The following SLC8B1 variants were observed in gnomAD, a reference collection of about 807,000 sequenced individuals.
SLC8B1 encodes solute carrier family 8 member B1.
Under a neutral mutation model 63.4 loss-of-function variants are expected in SLC8B1, and 52 were observed. That is an observed-to-expected ratio of 0.82 (90% CI 0.66 to 1.03). The LOEUF is 1.03. SLC8B1 is among the 50% of genes least tolerant of loss of function. The pLI is 0.00. For synonymous variants in SLC8B1, 336 were observed against 323.9 expected (o/e 1.04, Z -0.40); for missense variants, 657 against 741.7 (o/e 0.89, Z 1.33).
intron 13 of SLC8B1, among the ~76,000 whole-genome samples, chr12:113,307,414 T>C (rs1031054091): frequency 6.6e-6 from 1 of 152,052 alleles, no homozygotes; most frequent in Admixed American, 6.6e-5. Context: ...CCGGCTGCAA[T>C]GGGCTCCATG....
Position 113,320,307 on chromosome 12 carries a change from C to A in SLC8B1, c.694+24G>T. The A allele has an allele frequency of 6.2e-7, 1 of 1,611,596 alleles. No homozygotes were observed. The highest frequency in any genetic ancestry group is 1.1e-5 in the South Asian group (1 of 90,838). On this transcript the variant is annotated intron_variant, in intron 7 of 15. Coordinates refer to ENST00000680972, the MANE Select transcript of SLC8B1 (RefSeq NM_001358345.2). The surrounding 1 kb of genome is among the most constrained non-coding windows in gnomAD (Gnocchi z 5.3). Reference sequence around the variant, plus strand: ...CCTGCCCATCAGCCCTGGGATCTCACGCCTGAGCCCCAGAGCTGCTCACCC... The same window carrying A: ...CCTGCCCATCAGCCCTGGGATCTCAAGCCTGAGCCCCAGAGCTGCTCACCC...
At chr12:113,326,856 T>C (rs1161561930) in intron 2 of SLC8B1, among the ~76,000 whole-genome samples, 1 of 152,024 alleles carries the variant, frequency 6.6e-6, no homozygotes, top group African/African-American at 2.4e-5. Context: ...TATCTGGCTC[T>C]TTACAGAAAG....
At chr12:113,306,623 C>G (rs1466870737) in intron 13 of SLC8B1, 48 bp from the exon 14 acceptor site, 1 of 1,489,812 alleles carries the variant, frequency 6.7e-7, no homozygotes, top group Non-Finnish European at 9.3e-7. Flanking sequence ...CTTCCCCCAC[C>G]CTCCCTGGTC....
intron 2 of SLC8B1, among the ~76,000 whole-genome samples, chr12:113,327,984 A>G (rs543474715): frequency 8.1e-5 from 12 of 148,268 alleles, no homozygotes; most frequent in Middle Eastern, 3.4e-3. Context: ...GTCTCCAAAA[A>G]AAAAAAAAAA....
intron 15 of SLC8B1, among the ~76,000 whole-genome samples, chr12:113,303,142 C>G (rs754156528): frequency 8.4e-5 from 8 of 95,692 alleles, no homozygotes; most frequent in Non-Finnish European, 1.3e-4. Flanking sequence ...CACACACACA[C>G]GCGCGCGCAC....
chr12:113,302,786 C>T (rs1212955851), intron 15 of SLC8B1: 1 of 454,230 alleles, frequency 2.2e-6, no homozygotes, highest in Admixed American at 2.4e-5. Flanking sequence ...CTATCCTCCT[C>T]CCCATGGGAT....
At chr12:113,304,474 G>C in intron 14 of SLC8B1, 89 bp from the exon 15 acceptor site, 2 of 1,212,672 alleles carry the variant, frequency 1.6e-6, no homozygotes, top group Non-Finnish European at 2.4e-6. Flanking sequence ...CATCCCCAGG[G>C]CTTGGGATGC....
Position 113,315,568 on chromosome 12 carries a change from G to A in SLC8B1, c.994-92C>T, listed in dbSNP as rs1036290116. 18 of 1,401,460 alleles carry A rather than the reference G, an allele frequency of 1.3e-5. No homozygotes were observed. In the East Asian group the frequency reaches 3.0e-4, roughly 24 times the overall value. The allele number at this position is 1,401,460 out of a possible 1,614,324, so 86.8% of individuals were successfully genotyped here. A position where few individuals can be genotyped will look rare whatever the true frequency, so the allele number is the denominator to read the frequency against. On this transcript the variant is annotated intron_variant, in intron 10 of 15. Coordinates refer to ENST00000680972, the MANE Select transcript of SLC8B1 (RefSeq NM_001358345.2). Reference sequence around the variant, plus strand: ...ACTTCAGTGACTCAAGAGCTCGGCCGTTCATTGCTGAAGCACTGACTGTGT... The same window carrying A: ...ACTTCAGTGACTCAAGAGCTCGGCCATTCATTGCTGAAGCACTGACTGTGT...
rs375836359 is a variant in SLC8B1, at chr12:113,316,597, C to A, written c.922G>T (p.Ala308Ser). The A allele has an allele frequency of 5.7e-5, 92 of 1,614,098 alleles. No individual in the cohort carries two copies. Among genetic ancestry groups the A allele is most frequent in the Non-Finnish European group, 7.6e-5 (90 of 1,180,050 alleles). Residue 308 changes from alanine (A) to serine (S), a missense_variant, in exon 10 of 16, where the codon GCC (alanine) becomes TCC (serine). Transcript: ENST00000680972. ...TTCATGTAATCCAGGGGATTGAGGG[C>A]CCGGACCAGGATCTGAGCCGTGGTC... ...QETTAQILVR[A>S]LNPLDYMKWR...
intron 14 of SLC8B1, among the ~76,000 whole-genome samples, chr12:113,306,264 C>G (rs1327767843): frequency 1.3e-5 from 2 of 152,038 alleles, no homozygotes; most frequent in Non-Finnish European, 2.9e-5. Flanking sequence ...TCTGCTGAGC[C>G]CTTACCAGGG....
intron 2 of SLC8B1, among the ~76,000 whole-genome samples, chr12:113,321,797 T>TA (rs201715453): frequency 0.013 from 1,931 of 150,656 alleles, 34 homozygotes; most frequent in African/African-American, 0.045. Context: ...TATATATATA[T>TA]TAATATACCT....
chr12:113,329,093 C>T (rs1170646296), intron 2 of SLC8B1, among the ~76,000 whole-genome samples: 2 of 152,178 alleles, frequency 1.3e-5, no homozygotes, highest in Non-Finnish European at 2.9e-5. Context: ...CCACTAAAGT[C>T]TCGCACAGTG....
intron 7 of SLC8B1, 68 bp from the exon 8 acceptor site, chr12:113,319,139 G>A: frequency 2.5e-6 from 3 of 1,218,958 alleles, no homozygotes; most frequent in Non-Finnish European, 3.6e-6. Flanking sequence ...ACAGCTGGCA[G>A]TTCTATCAGT....
intron 2 of SLC8B1, among the ~76,000 whole-genome samples, chr12:113,326,675 T>TTC (rs536680715): frequency 2.0e-5 from 3 of 147,504 alleles, no homozygotes; most frequent in South Asian, 2.1e-4. Flanking sequence ...CCTCTTTTCT[T>TTC]TCTCTCTCTT....
At chr12:113,308,022 G>C in intron 12 of SLC8B1, 178 bp from the exon 13 acceptor site, 4 of 701,246 alleles carry the variant, frequency 5.7e-6, no homozygotes, top group African/African-American at 1.8e-5. Flanking sequence ...TAAAACGTGA[G>C]TTCAATATTA....
At chr12:113,325,814 C>T (rs544465855) in intron 2 of SLC8B1, among the ~76,000 whole-genome samples, 4 of 152,308 alleles carry the variant, frequency 2.6e-5, no homozygotes, top group African/African-American at 9.6e-5. Context: ...CCACCCGCCT[C>T]GGCCTCCCAA....
chr12:113,306,809 G>A (rs1315238202), intron 13 of SLC8B1: 10 of 544,432 alleles, frequency 1.8e-5, no homozygotes, highest in Non-Finnish European at 3.3e-5. Flanking sequence ...AACTTTGCAG[G>A]TGTGAAAAAC....
chr12:113,301,243 G>A (rs1410378087), intron 15 of SLC8B1, among the ~76,000 whole-genome samples: 1 of 152,080 alleles, frequency 6.6e-6, no homozygotes, highest in East Asian at 1.9e-4. Flanking sequence ...GTAGAGTCTG[G>A]GTGGTGGGAA....
chr12:113,303,735 ATC>A (rs1956631851), intron 15 of SLC8B1, among the ~76,000 whole-genome samples: 1 of 152,028 alleles, frequency 6.6e-6, no homozygotes, highest in Admixed American at 6.6e-5. Context: ...TCACCCACAC[ATC>A]TCTGTCACCT....
Sources: allele counts gnomAD v4.1 joint callset (sites outside exome capture counted in the v4.1 genomes callset), GRCh38; gene constraint gnomAD v4.1.1; non-coding constraint Gnocchi (gnomAD v3.1); transcripts MANE v1.5; gene names NCBI Gene and HGNC (gene_info 2026-07-23, HGNC 2026-07-21).